GSE1: variants seen among roughly 807,000 people sequenced by gnomAD.
GSE1 encodes the protein Gse1 coiled-coil protein.
Under a neutral mutation model 112.6 loss-of-function variants are expected in GSE1, and 32 were observed. The ratio of observed to expected loss-of-function variants is 0.28; its 90% CI spans 0.21 to 0.38. The LOEUF (loss-of-function observed/expected upper bound fraction) is 0.38, where lower values mean the gene tolerates loss of function less well. Among genes scored for constraint, GSE1 ranks in the 10% least tolerant of loss-of-function variants. The pLI, the probability that GSE1 is intolerant of heterozygous loss-of-function variation, is 1.00. For missense variants in GSE1, 2,348 were observed against 1,699.2 expected (o/e 1.38, Z -6.71); for synonymous variants, 1,115 against 735.6 (o/e 1.52, Z -8.35).
intron 1 of GSE1, among the ~76,000 whole-genome samples, chr16:85,335,600 TGCACCGCAAAAGGTGCCCG>T (rs1008202899): frequency 6.6e-6 from 1 of 152,090 alleles, no homozygotes; most frequent in African/African-American, 2.4e-5. Context: ...GGTGAGGCCG[TGCACCGCAAAAGGTGCCCG>T]GCTCCTCCCA....
In GSE1 at chr16:85,661,220, C is replaced by T. The variant is rs556786253; in HGVS notation, c.1715C>T (p.Ser572Leu). ...TTTGGGGGGCCACCACCTCTGATTTCGCCCAAGCCCCAGCTCCATGCTGCA... is the reference window on the plus strand; with the variant it reads ...TTTGGGGGGCCACCACCTCTGATTTTGCCCAAGCCCCAGCTCCATGCTGCA... ...QHFGGPPPLISPKPQLHAAPT... is the reference protein window; with the variant it reads ...QHFGGPPPLILPKPQLHAAPT... The change falls in exon 9 of 16, where the codon TCG becomes TTG. Residue 572 changes from serine to leucine, a missense_variant. Ser to Leu is a moderately radical substitution (Grantham distance 145). Transcript: ENST00000253458. 13 of 1,608,946 alleles carry T rather than the reference C, an allele frequency of 8.1e-6. No individual in the cohort carries two copies. The highest frequency in any genetic ancestry group is 2.2e-5 in the East Asian group (1 of 44,750).
chr16:85,459,642 A>G (rs1195209543), intron 2 of GSE1, among the ~76,000 whole-genome samples: 1 of 152,150 alleles, frequency 6.6e-6, no homozygotes, highest in Non-Finnish European at 1.5e-5. Context: ...CTGTTAGTTC[A>G]TGCCAAGGGC....
At chr16:85,350,444 C>A (rs1470117479) in intron 1 of GSE1, among the ~76,000 whole-genome samples, 2 of 152,072 alleles carry the variant, frequency 1.3e-5, no homozygotes, top group African/African-American at 4.8e-5. Flanking sequence ...CTTCAGGGAC[C>A]CTAGACTGTC....
At chr16:85,381,210 T>C in intron 2 of GSE1, among the ~76,000 whole-genome samples, 1 of 152,276 alleles carries the variant, frequency 6.6e-6, no homozygotes, top group East Asian at 1.9e-4. Context: ...GTACCGTTTG[T>C]AGCCTTTTGT....
intron 1 of GSE1, among the ~76,000 whole-genome samples, chr16:85,236,066 C>G (rs1356337874): frequency 6.6e-6 from 1 of 150,774 alleles, no homozygotes; most frequent in Non-Finnish European, 1.5e-5. Context: ...CCGCCCCTCC[C>G]GGATTTCCCG....
chr16:85,240,407 G>T (rs1905079714), intron 1 of GSE1, among the ~76,000 whole-genome samples: 1 of 152,222 alleles, frequency 6.6e-6, no homozygotes, highest in South Asian at 2.1e-4. Context: ...AAGGGGGAGG[G>T]GGGTGGAGTG....
At chr16:85,477,129 T>C (rs2050483420) in intron 2 of GSE1, among the ~76,000 whole-genome samples, 1 of 152,106 alleles carries the variant, frequency 6.6e-6, no homozygotes, top group Non-Finnish European at 1.5e-5. Context: ...GGTTTCGCCA[T>C]GTTGGCCAGG....
chr16:85,171,992 G>T (rs2074366738), intron 1 of GSE1, among the ~76,000 whole-genome samples: 1 of 152,222 alleles, frequency 6.6e-6, no homozygotes, highest in African/African-American at 2.4e-5. Flanking sequence ...CGTTGGCCTG[G>T]CTGACCTTGG....
rs545017383 is a variant in GSE1, at chr16:85,235,835, C to T, written c.2283+64028C>T. On this transcript the variant is annotated intron_variant, in intron 1 of 2. Transcript: ENST00000637419. ...TGGCTGGAGCCAGGAGCTGACCTTA[C>T]GGGCGCCGGGGCAGCTGTTCGCGAT... is the stretch of plus-strand genomic sequence containing the variant. 2.6e-5 allele frequency among the ~76,000 whole-genome samples: 4 copies of T among 152,104 alleles called. No individual in the cohort carries two copies. In the South Asian group the frequency reaches 8.3e-4, roughly 31 times the overall value.
chr16:85,323,221 CA>C (rs1276572460), intron 1 of GSE1, among the ~76,000 whole-genome samples: 12 of 152,094 alleles, frequency 7.9e-5, no homozygotes, highest in Admixed American at 2.6e-4. Flanking sequence ...TCACATGGTT[CA>C]ATAGAGCGTT....
At chr16:85,483,283 C>T (rs773293431) in intron 2 of GSE1, among the ~76,000 whole-genome samples, 5 of 152,254 alleles carry the variant, frequency 3.3e-5, no homozygotes, top group Admixed American at 6.5e-5. Flanking sequence ...CTGTCGTTCC[C>T]GCTGTTCCCT....
Position 85,634,059 on chromosome 16 carries a change from G to A in GSE1, c.153G>A (p.Ser51=), listed in dbSNP as rs758874796. 14 of 1,607,496 alleles carry A rather than the reference G, an allele frequency of 8.7e-6. No individual in the cohort carries two copies. Among genetic ancestry groups the A allele is most frequent in the South Asian group, 2.2e-5 (2 of 90,622 alleles). Residue 51 remains serine, a synonymous_variant, in exon 2 of 16, where the codon TCG becomes TCA. Transcript: ENST00000253458. Reference sequence around the variant, plus strand: ...GCCCCGCCACCAGCAGCGCGCTGTCGGCCCAGGCCGCGCCATCCTCCAGCT... The same window carrying A: ...GCCCCGCCACCAGCAGCGCGCTGTCAGCCCAGGCCGCGCCATCCTCCAGCT... The part of the protein sequence containing the change: ...SGSPATSSAL[S]AQAAPSSSFA...
chr16:85,323,245 C>T (rs2046152743), intron 1 of GSE1, among the ~76,000 whole-genome samples: 1 of 152,084 alleles, frequency 6.6e-6, no homozygotes, highest in Non-Finnish European at 1.5e-5. Context: ...TGTGCTGTCT[C>T]CGGGTGGGAG....
intron 1 of GSE1, among the ~76,000 whole-genome samples, chr16:85,348,885 C>G (rs899557644): frequency 5.9e-5 from 9 of 152,020 alleles, no homozygotes; most frequent in Non-Finnish European, 1.0e-4. Context: ...CTCCAGCCCC[C>G]GAGAGATGGG....
chr16:85,433,650 G>A (rs2049174540), intron 2 of GSE1, among the ~76,000 whole-genome samples: 1 of 151,790 alleles, frequency 6.6e-6, no homozygotes, highest in Non-Finnish European at 1.5e-5. Context: ...TTGGGTGAAT[G>A]TTGAATGGAT....
chr16:85,238,165 C>T (rs925301651), intron 1 of GSE1, among the ~76,000 whole-genome samples: 4 of 152,100 alleles, frequency 2.6e-5, no homozygotes, highest in Non-Finnish European at 5.9e-5. Flanking sequence ...AGGAAGACCC[C>T]GGGAGGTGGC....
intron 1 of GSE1, among the ~76,000 whole-genome samples, chr16:85,622,129 G>A (rs77215210): frequency 0.04 from 6,085 of 152,244 alleles, 351 homozygotes; most frequent in African/African-American, 0.13. Flanking sequence ...GATTGTGGCC[G>A]GAAAAGGTGA....
chr16:85,536,094 T>C (rs1315913998), intron 2 of GSE1, among the ~76,000 whole-genome samples: 1 of 152,138 alleles, frequency 6.6e-6, no homozygotes, highest in Non-Finnish European at 1.5e-5. Flanking sequence ...TCAGAAGAAC[T>C]TGGAGGGAAT....
At chr16:85,474,800 A>G (rs1352020979) in intron 2 of GSE1, among the ~76,000 whole-genome samples, 1 of 151,940 alleles carries the variant, frequency 6.6e-6, no homozygotes, top group African/African-American at 2.4e-5. Flanking sequence ...GGGAGCCTGG[A>G]GAAGAAAGAT....
Sources: allele counts gnomAD v4.1 joint callset (sites outside exome capture counted in the v4.1 genomes callset), GRCh38; gene constraint gnomAD v4.1.1; transcripts MANE v1.5; gene names NCBI Gene and HGNC (gene_info 2026-07-23, HGNC 2026-07-21).